GSDMC: variants seen among roughly 807,000 people sequenced by gnomAD.
The protein encoded by GSDMC is gasdermin-C.
GSDMC carries 59 observed loss-of-function variants against 58.0 expected under a neutral mutation model. That is an observed-to-expected ratio of 1.02 (90% CI 0.82 to 1.26). The LOEUF is 1.26. Among genes scored for constraint, GSDMC ranks in the 50% most tolerant of loss-of-function variants. The pLI is 0.00. For missense variants in GSDMC, 659 were observed against 598.5 expected (o/e 1.10, Z -1.06); for synonymous variants, 241 against 220.2 (o/e 1.09, Z -0.83).
chr8:129,750,352 A>C, intron 11 of GSDMC, 79 bp downstream of exon 11: 2 of 1,377,838 alleles, frequency 1.5e-6, no homozygotes, highest in East Asian at 2.3e-5. Flanking sequence ...TTCCTCCTCC[A>C]TGTAACTTGG....
At chr8:129,763,184 G>C (rs2033735447) in intron 4 of GSDMC, among the ~76,000 whole-genome samples, 1 of 152,156 alleles carries the variant, frequency 6.6e-6, no homozygotes. Context: ...ATTCTCTCCA[G>C]AGGAGATGGG....
At chr8:129,718,451 G>C in the GSDMC span, among the ~76,000 whole-genome samples, 2 of 152,218 alleles carry the variant, frequency 1.3e-5, no homozygotes, top group Non-Finnish European at 2.9e-5. Flanking sequence ...CTAGTCATTA[G>C]AGAAATGCAA....
the GSDMC span, among the ~76,000 whole-genome samples, chr8:129,733,497 G>T: frequency 3.2e-3 from 480 of 152,312 alleles, no homozygotes; most frequent in Non-Finnish European, 5.5e-3. Context: ...TTGCTGTTCT[G>T]CAGCCTCTGC....
At chr8:129,768,923 T>C (rs116290888) in intron 3 of GSDMC, among the ~76,000 whole-genome samples, 1 of 152,002 alleles carries the variant, frequency 6.6e-6, no homozygotes, top group South Asian at 2.1e-4. Context: ...CTCCAAAAAA[T>C]AAAAATTTAA....
Position 129,752,705 on chromosome 8 carries a change from T to C in GSDMC, c.837A>G (p.Leu279=), listed in dbSNP as rs574276492. The C allele has an allele frequency of 6.2e-7, 1 of 1,614,210 alleles. No homozygotes were observed. Among genetic ancestry groups the C allele is most frequent in the Admixed American group, 1.7e-5 (1 of 60,028 alleles). The change falls in exon 7 of 14, where the codon TTA becomes TTG. Residue 279 remains leucine (L), a synonymous_variant. Transcript: ENST00000276708. ...AGTGAGCAATCACAGTACCTGGTTT[T>C]AACTTCATATCATTGGATGAGGCAT... ...LFNASSNDMK[L]KPELFLTQQF...
intron 13 of GSDMC, 77 bp from the exon 14 acceptor site, chr8:129,748,817 G>A: frequency 1.6e-6 from 2 of 1,234,350 alleles, no homozygotes; most frequent in Non-Finnish European, 2.2e-6. Flanking sequence ...AGTATCCAGG[G>A]GCCATGCAGG....
chr8:129,710,115 G>C, the GSDMC span, among the ~76,000 whole-genome samples: 1 of 152,164 alleles, frequency 6.6e-6, no homozygotes, highest in African/African-American at 2.4e-5. Context: ...TTCTCTTCAT[G>C]CACGTATTTT....
At chr8:129,723,565 C>T in the GSDMC span, among the ~76,000 whole-genome samples, 38 of 152,064 alleles carry the variant, frequency 2.5e-4, no homozygotes, top group African/African-American at 8.7e-4. Context: ...CGCGCCTGGC[C>T]GCATCTAGCA....
intron 6 of GSDMC, among the ~76,000 whole-genome samples, chr8:129,757,553 G>C (rs74977350): frequency 0.022 from 3,405 of 151,700 alleles, 122 homozygotes; most frequent in African/African-American, 0.076. Context: ...CATTCTATGA[G>C]GCCAGTATTA....
At chr8:129,757,682 T>A (rs1228858093) in intron 6 of GSDMC, among the ~76,000 whole-genome samples, 1 of 152,096 alleles carries the variant, frequency 6.6e-6, no homozygotes, top group Non-Finnish European at 1.5e-5. Flanking sequence ...CAAACCGAAT[T>A]CAATGAAACA....
chr8:129,754,651 T>G (rs1322286823), intron 6 of GSDMC, among the ~76,000 whole-genome samples: 1 of 152,200 alleles, frequency 6.6e-6, no homozygotes, highest in Non-Finnish European at 1.5e-5. Context: ...AAAAGAGACA[T>G]GTGATCTTTC....
At chr8:129,751,124 G>A (rs1233312709) in intron 10 of GSDMC, among the ~76,000 whole-genome samples, 1 of 152,126 alleles carries the variant, frequency 6.6e-6, no homozygotes, top group African/African-American at 2.4e-5. Context: ...AAGAGAGAGA[G>A]AGAGAGTTTA....
At chr8:129,742,903 A>T in the GSDMC span, among the ~76,000 whole-genome samples, 1 of 152,196 alleles carries the variant, frequency 6.6e-6, no homozygotes, top group African/African-American at 2.4e-5. Flanking sequence ...GCTGAAAATT[A>T]TTGTCAATTC....
At chr8:129,707,854 G>A in the GSDMC span, among the ~76,000 whole-genome samples, 1 of 152,222 alleles carries the variant, frequency 6.6e-6, no homozygotes, top group South Asian at 2.1e-4. Context: ...ACAGAGATAA[G>A]AGGATAGAAT....
chr8:129,783,090 A>T (rs1201822689), intron 1 of GSDMC, among the ~76,000 whole-genome samples: 1 of 152,156 alleles, frequency 6.6e-6, no homozygotes, highest in Non-Finnish European at 1.5e-5. Flanking sequence ...TATAGCAAGA[A>T]AATGAAAGAC....
the GSDMC span, among the ~76,000 whole-genome samples, chr8:129,741,385 T>C: frequency 2.0e-4 from 31 of 152,286 alleles, no homozygotes; most frequent in Non-Finnish European, 3.7e-4. Context: ...GAAAATGATA[T>C]TAGAATTTTG....
intron 2 of GSDMC, among the ~76,000 whole-genome samples, chr8:129,776,738 C>CTGCTGTTGTTCTTGTTGT (rs774217991): frequency 1.1e-4 from 17 of 150,900 alleles, no homozygotes; most frequent in African/African-American, 4.2e-4. Context: ...TTGGTTTTTG[C>CTGCTGTTGTTCTTGTTGT]TGTTGTTGTT....
At chr8:129,729,605 C>A in the GSDMC span, among the ~76,000 whole-genome samples, 1 of 152,174 alleles carries the variant, frequency 6.6e-6, no homozygotes, top group African/African-American at 2.4e-5. Context: ...ATGATGGTTT[C>A]CAGCTTCATC....
intron 10 of GSDMC, 36 bp downstream of exon 10, chr8:129,751,506 C>A (rs759933078): frequency 1.9e-6 from 3 of 1,586,332 alleles, no homozygotes; most frequent in Admixed American, 3.5e-5. Context: ...CAGCTCCCAC[C>A]CAGAAGCCCC....
Sources: allele counts gnomAD v4.1 joint callset (sites outside exome capture counted in the v4.1 genomes callset), GRCh38; gene constraint gnomAD v4.1.1; transcripts MANE v1.5; gene names NCBI Gene and HGNC (gene_info 2026-07-23, HGNC 2026-07-21).